The following BTBD16 variants were observed in gnomAD, a reference collection of about 807,000 sequenced individuals.
The protein encoded by BTBD16 is BTB/POZ domain-containing protein 16.
BTBD16 carries 66 observed loss-of-function variants against 67.4 expected under a neutral mutation model. The observed-to-expected ratio is 0.98, with a 90% CI of 0.80 to 1.20. BTBD16 has a LOEUF of 1.20. Ranked by LOEUF, BTBD16 falls within the 50% of genes most tolerant of loss-of-function variation. BTBD16 has a pLI of 0.00. For missense variants in BTBD16, 634 were observed against 616.0 expected, an observed-to-expected ratio of 1.03 and a Z score of -0.31; for synonymous variants, 242 against 236.4, an observed-to-expected ratio of 1.02 and a Z score of -0.22.
chr10:122,276,206 G>A (rs955544690), intron 2 of BTBD16, among the ~76,000 whole-genome samples: 3 of 152,220 alleles, frequency 2.0e-5, no homozygotes, highest in Non-Finnish European at 4.4e-5. Flanking sequence ...GTTGTCCCGG[G>A]CTGGGGACAT....
chr10:122,335,094 G>A (rs1481018451), intron 14 of BTBD16, 115 bp downstream of exon 14: 4 of 597,500 alleles, frequency 6.7e-6, no homozygotes, highest in African/African-American at 1.9e-5. Context: ...GACATGAAAT[G>A]TATTGTAAGT....
intron 1 of BTBD16, among the ~76,000 whole-genome samples, chr10:122,272,525 G>A (rs1290839912): frequency 1.3e-5 from 2 of 152,060 alleles, no homozygotes; most frequent in Non-Finnish European, 2.9e-5. Flanking sequence ...ATTTTTAGTA[G>A]AGACAAGGTT....
chr10:122,298,075 A>T (rs560666782), intron 8 of BTBD16, among the ~76,000 whole-genome samples: 1 of 152,018 alleles, frequency 6.6e-6, no homozygotes, highest in Non-Finnish European at 1.5e-5. Context: ...TAGATGGGGG[A>T]AGAAGCAGCA....
At chr10:122,325,114 G>A (rs936562688) in intron 10 of BTBD16, among the ~76,000 whole-genome samples, 1 of 152,186 alleles carries the variant, frequency 6.6e-6, no homozygotes, top group African/African-American at 2.4e-5. Context: ...TGCAGCAAGT[G>A]TGTGTGAGCA....
At chr10:122,318,866 G>A (rs1490179337) in intron 10 of BTBD16, among the ~76,000 whole-genome samples, 13 of 152,204 alleles carry the variant, frequency 8.5e-5, no homozygotes, top group Non-Finnish European at 1.6e-4. Flanking sequence ...GATTACAGGC[G>A]TTCATTTGCT....
At chr10:122,275,433 G>A (rs1002334869) in intron 2 of BTBD16, among the ~76,000 whole-genome samples, 1 of 152,056 alleles carries the variant, frequency 6.6e-6, no homozygotes, top group Non-Finnish European at 1.5e-5. Context: ...ACTTTTTACA[G>A]CATTGGAAAC....
intron 2 of BTBD16, 48 bp downstream of exon 2, chr10:122,275,147 T>G: frequency 6.3e-7 from 1 of 1,581,856 alleles, no homozygotes; most frequent in Non-Finnish European, 8.7e-7. Flanking sequence ...AAGAAGCATT[T>G]GCTTATGGTC....
chr10:122,294,222 G>A, intron 7 of BTBD16: 5 of 985,380 alleles, frequency 5.1e-6, no homozygotes, highest in Non-Finnish European at 6.0e-6. Context: ...TGGCATCATA[G>A]GATACATGTG....
At chr10:122,328,665 C>T (rs938932317) in intron 10 of BTBD16, 2 of 767,064 alleles carry the variant, frequency 2.6e-6, no homozygotes, top group African/African-American at 1.9e-5. Context: ...GCAGGCTCTG[C>T]CTTGAGGGAG....
In BTBD16 at chr10:122,325,212, G is replaced by C. The variant is rs192479122; in HGVS notation, c.912-4268G>C. On this transcript the variant is annotated intron_variant, in intron 10 of 15. Coordinates refer to ENST00000260723, the MANE Select transcript of BTBD16 (RefSeq NM_144587.5). ...TGATGGAAATGAGGCTGGAAAGTTG[G>C]CAGGGACCAGGTCATTCATCCAATT... Among the ~76,000 whole-genome samples, 18 of 152,324 alleles carry C rather than the reference G, an allele frequency of 1.2e-4. No individual in the cohort carries two copies. In the East Asian group the frequency reaches 3.5e-3, roughly 29 times the overall value.
At chr10:122,295,402 G>A (rs2096381322) in intron 7 of BTBD16, 2 of 985,382 alleles carry the variant, frequency 2.0e-6, no homozygotes, top group Non-Finnish European at 2.4e-6. Flanking sequence ...GTTTGGATGA[G>A]CCCAGGTTAT....
intron 15 of BTBD16, among the ~76,000 whole-genome samples, chr10:122,337,533 C>T (rs1050698775): frequency 6.6e-6 from 1 of 152,154 alleles, no homozygotes; most frequent in Admixed American, 6.5e-5. Context: ...GGCACAATCT[C>T]GGCTCACTGC....
At chr10:122,297,307 C>T (rs1231023162) in intron 7 of BTBD16, among the ~76,000 whole-genome samples, 1 of 152,304 alleles carries the variant, frequency 6.6e-6, no homozygotes, top group South Asian at 2.1e-4. Flanking sequence ...AGGTCCTAGT[C>T]ATGAGCTCGC....
intron 10 of BTBD16, among the ~76,000 whole-genome samples, chr10:122,327,151 G>C (rs1365834294): frequency 1.3e-5 from 2 of 152,186 alleles, no homozygotes; most frequent in Admixed American, 1.3e-4. Context: ...CCCAGAGCCG[G>C]GTTATATTGA....
chr10:122,314,685 A>T (rs1173831635), intron 10 of BTBD16, among the ~76,000 whole-genome samples: 1 of 152,198 alleles, frequency 6.6e-6, no homozygotes, highest in Admixed American at 6.5e-5. Context: ...ATATAGAAGT[A>T]CAATAGTTTT....
intron 1 of BTBD16, among the ~76,000 whole-genome samples, chr10:122,271,813 A>G (rs1476928897): frequency 1.3e-5 from 2 of 152,084 alleles, no homozygotes; most frequent in African/African-American, 2.4e-5. Context: ...GGATTTCAAG[A>G]TCAGCTAAAA....
In BTBD16 at chr10:122,271,468, A is replaced by G. The variant is rs1012233849; in HGVS notation, c.-89A>G. 1 of 152,318 alleles carries G rather than the reference A, an allele frequency of 6.6e-6. No homozygotes were observed. Among genetic ancestry groups the G allele is most frequent in the Non-Finnish European group, 1.5e-5 (1 of 68,098 alleles). 9.4% of individuals were successfully genotyped at this position (152,318 alleles called of 1,614,324 possible). On this transcript the variant is annotated 5_prime_UTR_variant, in exon 1 of 16. Coordinates refer to ENST00000260723, the MANE Select transcript of BTBD16 (RefSeq NM_144587.5). ...TGATGGGAGTTCCTCCACTCAGCACACTTCCCCTGTAAACACGCCTGTGGT... is the reference window on the plus strand; with the variant it reads ...TGATGGGAGTTCCTCCACTCAGCACGCTTCCCCTGTAAACACGCCTGTGGT...
intron 3 of BTBD16, among the ~76,000 whole-genome samples, chr10:122,281,646 G>A (rs2096353441): frequency 6.6e-6 from 1 of 152,168 alleles, no homozygotes; most frequent in Non-Finnish European, 1.5e-5. Context: ...AATGCTAACT[G>A]AAGGCATGTC....
In BTBD16 at chr10:122,285,998, TG is replaced by T; in HGVS notation, c.242-106del. The T allele has an allele frequency of 8.0e-6, 9 of 1,124,706 alleles. No individual in the cohort carries two copies. The South Asian group carries it at 1.4e-4, about 17-fold the overall frequency. 69.7% of individuals were successfully genotyped at this position (1,124,706 alleles called of 1,614,324 possible). On this transcript the variant is annotated intron_variant, in intron 4 of 15. Coordinates refer to ENST00000260723, the MANE Select transcript of BTBD16 (RefSeq NM_144587.5). ...CTGGGGAGGCTGCTTGCCTGCTTCATGTGCTTAATGATCCACCGAGCAAAGG... is the reference window on the plus strand; with the variant it reads ...CTGGGGAGGCTGCTTGCCTGCTTCATTGCTTAATGATCCACCGAGCAAAGG...
Sources: allele counts gnomAD v4.1 joint callset (sites outside exome capture counted in the v4.1 genomes callset), GRCh38; gene constraint gnomAD v4.1.1; transcripts MANE v1.5; gene names NCBI Gene and HGNC (gene_info 2026-07-23, HGNC 2026-07-21).